GSG1L2: variants seen among roughly 807,000 people sequenced by gnomAD.
The protein encoded by GSG1L2 is germ cell-specific gene 1-like protein 2.
Under a neutral mutation model 9.0 loss-of-function variants are expected in GSG1L2, and 15 were observed. That is an observed-to-expected ratio of 1.67 (90% CI 1.12 to 2.57). The LOEUF (loss-of-function observed/expected upper bound fraction) is 2.57, where lower values mean the gene tolerates loss of function less well. Ranked by LOEUF, GSG1L2 falls within the 30% of genes most tolerant of loss-of-function variation. GSG1L2 has a pLI of 0.00. For synonymous variants in GSG1L2, 127 were observed against 57.9 expected, an observed-to-expected ratio of 2.19 and a Z score of -5.41; for missense variants, 286 against 150.3, an observed-to-expected ratio of 1.90 and a Z score of -4.72.
Position 9,800,823 on chromosome 17 carries a change from A to AGAG in GSG1L2, c.*1560_*1562dup, listed in dbSNP as rs2152021396. The stretch of plus-strand genomic sequence containing the variant: ...AAAGAACCTGCACACTGCAAAGGGC[A>AGAG]GAGGCTTGTGGGTACAAACTCTCCT... On this transcript the variant is annotated 3_prime_UTR_variant, in exon 5 of 5. Transcript: ENST00000399363. Among the ~76,000 whole-genome samples the AGAG allele has an allele frequency of 6.6e-6, 1 of 152,372 alleles. No homozygotes were observed. The highest frequency in any genetic ancestry group is 2.1e-4 in the South Asian group (1 of 4,830).
chr17:9,816,682 T>C (rs62644886), intron 1 of GSG1L2, among the ~76,000 whole-genome samples: 73,557 of 145,144 alleles, frequency 0.51, 19,620 homozygotes, highest in East Asian at 0.98. Context: ...TCTGTGTGTG[T>C]GTGTCTGTGT....
At position 9,802,059 on chromosome 17, in the gene GSG1L2, A is replaced by C. The variant is rs957928914; in HGVS notation, c.*327T>G. ...AAAAGACTTGCTTTCCTCTTTCTTC[A>C]ACTTCTCTTCCCTTAGTACTGGCAT... On this transcript the variant is annotated 3_prime_UTR_variant, in exon 5 of 5. Coordinates refer to ENST00000399363, the MANE Select transcript of GSG1L2 (RefSeq NM_001310219.2). 1.3e-5 allele frequency among the ~76,000 whole-genome samples: 2 copies of C among 152,190 alleles called. No individual in the cohort carries two copies. Among genetic ancestry groups the C allele is most frequent in the Admixed American group, 6.5e-5 (1 of 15,276 alleles).
At chr17:9,816,630 T>A (rs1317370604) in intron 1 of GSG1L2, among the ~76,000 whole-genome samples, 1 of 147,664 alleles carries the variant, frequency 6.8e-6, no homozygotes, top group East Asian at 2.1e-4. Flanking sequence ...CTGTTTTGCA[T>A]GTCTGTGTGC....
At chr17:9,821,128 G>A (rs954251807) in intron 1 of GSG1L2, among the ~76,000 whole-genome samples, 2 of 152,222 alleles carry the variant, frequency 1.3e-5, no homozygotes, top group Middle Eastern at 3.2e-3. Flanking sequence ...GGGGATGGGA[G>A]GATTCCTCCT....
At chr17:9,816,363 CG>C (rs2066559343) in intron 1 of GSG1L2, among the ~76,000 whole-genome samples, 1 of 101,438 alleles carries the variant, frequency 9.9e-6, no homozygotes, top group Non-Finnish European at 1.9e-5. Flanking sequence ...CACGCGTATG[CG>C]TGTGTCTGTG....
intron 2 of GSG1L2, chr17:9,809,360 C>T (rs2066529719): frequency 2.6e-5 from 8 of 302,446 alleles, no homozygotes; most frequent in South Asian, 9.9e-5. Flanking sequence ...AGCCACAGAC[C>T]TTCGCAGTGA....
At chr17:9,816,753 GTA>G (rs1396453568) in intron 1 of GSG1L2, among the ~76,000 whole-genome samples, 12 of 125,480 alleles carry the variant, frequency 9.6e-5, no homozygotes, top group Non-Finnish European at 1.5e-4. Context: ...ATCTGTGTGT[GTA>G]TCTGTGTCTG....
intron 1 of GSG1L2, among the ~76,000 whole-genome samples, chr17:9,818,935 C>T (rs942578716): frequency 1.3e-5 from 2 of 152,172 alleles, no homozygotes; most frequent in African/African-American, 4.8e-5. Flanking sequence ...AGCACTGGGG[C>T]TTACTCACCT....
chr17:9,805,232 T>C (rs2066512246), intron 4 of GSG1L2, among the ~76,000 whole-genome samples: 1 of 151,854 alleles, frequency 6.6e-6, no homozygotes, highest in African/African-American at 2.4e-5. Flanking sequence ...TCACCATAAT[T>C]CCAGGACATG....
intron 2 of GSG1L2, chr17:9,809,459 C>T (rs781098481): frequency 3.7e-5 from 6 of 160,944 alleles, no homozygotes; most frequent in Non-Finnish European, 8.1e-5. Context: ...CACTCCAAAC[C>T]ATAGAAGGGT....
At chr17:9,814,955 G>A (rs539056862) in intron 1 of GSG1L2, among the ~76,000 whole-genome samples, 7 of 152,232 alleles carry the variant, frequency 4.6e-5, no homozygotes, top group African/African-American at 9.6e-5. Context: ...AGAACATTTC[G>A]CGTAAGTGCT....
intron 1 of GSG1L2, among the ~76,000 whole-genome samples, chr17:9,816,452 CTG>C (rs2066561224): frequency 2.5e-5 from 2 of 80,224 alleles, no homozygotes; most frequent in Admixed American, 1.3e-4. Flanking sequence ...GTGCGTGTGT[CTG>C]TGTGTGCGTC....
intron 1 of GSG1L2, among the ~76,000 whole-genome samples, chr17:9,816,583 C>G (rs62641960): frequency 1.6e-5 from 1 of 60,690 alleles, no homozygotes; most frequent in Admixed American, 2.2e-4. Flanking sequence ...TCTGTGTGTG[C>G]ACGTGCGTGT....
chr17:9,814,958 T>A (rs1426921804), intron 1 of GSG1L2, among the ~76,000 whole-genome samples: 1 of 152,216 alleles, frequency 6.6e-6, no homozygotes, highest in Non-Finnish European at 1.5e-5. Flanking sequence ...ACATTTCGCG[T>A]AAGTGCTGCC....
At chr17:9,817,984 T>C (rs1162435765) in intron 1 of GSG1L2, among the ~76,000 whole-genome samples, 1 of 152,154 alleles carries the variant, frequency 6.6e-6, no homozygotes, top group African/African-American at 2.4e-5. Flanking sequence ...CTCCATCTAT[T>C]AAAATCATAG....
chr17:9,803,100 CTT>C (rs58980664), intron 4 of GSG1L2, among the ~76,000 whole-genome samples: 1,085 of 92,548 alleles, frequency 0.012, 9 homozygotes, highest in African/African-American at 0.019. Context: ...GGTGTCATTA[CTT>C]TTTTTTTTTT....
chr17:9,807,179 A>G (rs2066519049), intron 4 of GSG1L2, among the ~76,000 whole-genome samples: 1 of 152,168 alleles, frequency 6.6e-6, no homozygotes, highest in African/African-American at 2.4e-5. Flanking sequence ...TTATAGATCA[A>G]GACACTTCCT....
chr17:9,807,647 T>C lies in GSG1L2; in HGVS notation c.512-46A>G, dbSNP rs1049503809. Reference sequence around the variant, plus strand: ...GAGTCACAGCTAAGAAGACACATGATGGAAGAACTCTACGCGGTGTGAGTT... The same window carrying C: ...GAGTCACAGCTAAGAAGACACATGACGGAAGAACTCTACGCGGTGTGAGTT... On this transcript the variant is annotated intron_variant, in intron 3 of 4. Transcript: ENST00000399363. 2.3e-4 allele frequency: 165 copies of C among 702,854 alleles called. No homozygotes were observed. The Admixed American group carries it at 3.2e-3, about 14-fold the overall frequency. 43.5% of individuals were successfully genotyped at this position (702,854 alleles called of 1,614,324 possible). A position where few individuals can be genotyped will look rare whatever the true frequency, so the allele number is the denominator to read the frequency against.
chr17:9,816,824 GTGTC>G (rs1339347133), intron 1 of GSG1L2, among the ~76,000 whole-genome samples: 8 of 147,242 alleles, frequency 5.4e-5, no homozygotes, highest in Non-Finnish European at 8.9e-5. Context: ...GTATCTGTGT[GTGTC>G]TGTGTATCTG....
Sources: allele counts gnomAD v4.1 joint callset (sites outside exome capture counted in the v4.1 genomes callset), GRCh38; gene constraint gnomAD v4.1.1; transcripts MANE v1.5; gene names NCBI Gene and HGNC (gene_info 2026-07-23, HGNC 2026-07-21).